The following TMEM132D variants were observed in gnomAD, a reference collection of about 807,000 sequenced individuals.
The protein encoded by TMEM132D is transmembrane protein 132D, also known as mature OL transmembrane protein.
Under a neutral mutation model 62.3 loss-of-function variants are expected in TMEM132D, and 21 were observed. That is an observed-to-expected ratio of 0.34 (90% confidence interval 0.24 to 0.49). The LOEUF (loss-of-function observed/expected upper bound fraction) is 0.49, where lower values mean the gene tolerates loss of function less well. Ranked by LOEUF, TMEM132D falls within the 20% of genes least tolerant of loss-of-function variation. TMEM132D has a pLI of 0.99. For missense variants in TMEM132D, 1,346 were observed against 1,402.8 expected (o/e 0.96, Z 0.65); for synonymous variants, 621 against 575.6 (o/e 1.08, Z -1.13).
At chr12:129,413,088 T>C (rs1872018012) in intron 3 of TMEM132D, among the ~76,000 whole-genome samples, 1 of 152,196 alleles carries the variant, frequency 6.6e-6, no homozygotes, top group African/African-American at 2.4e-5. Context: ...AATTATTCAA[T>C]ATTCAATAGT....
At chr12:129,337,555 A>T in intron 4 of TMEM132D, 79 bp downstream of exon 4, 1 of 1,547,568 alleles carries the variant, frequency 6.5e-7, no homozygotes, top group Middle Eastern at 1.7e-4. Context: ...TTCCCCACCC[A>T]GCCTGGGACT....
chr12:129,165,389 T>C (rs956882980), intron 5 of TMEM132D, among the ~76,000 whole-genome samples: 13 of 152,284 alleles, frequency 8.5e-5, no homozygotes, highest in African/African-American at 1.9e-4. Flanking sequence ...CTATAAAAAA[T>C]TGAACTCTAC....
rs113956936 is a variant in TMEM132D, at chr12:129,658,539, T to G, written c.968+41271A>C. 5.9e-3 allele frequency among the ~76,000 whole-genome samples: 906 copies of G among 152,292 alleles called. 8 individuals carry two copies. Among genetic ancestry groups the G allele is most frequent in the African/African-American group, 0.021 (859 of 41,562 alleles). The stretch of plus-strand genomic sequence containing the variant: ...GATGGCTTCAAATTCTCTGCTACTC[T>G]TTCATCCTCCCAGCAACACGTAGCG... On this transcript the variant is annotated intron_variant, in intron 2 of 8. Transcript: ENST00000422113.
At chr12:129,563,703 T>C (rs994646583) in intron 2 of TMEM132D, among the ~76,000 whole-genome samples, 10 of 152,144 alleles carry the variant, frequency 6.6e-5, no homozygotes, top group African/African-American at 2.4e-4. Context: ...GAAGAAGATC[T>C]GGGATTGTGG....
chr12:129,319,799 TTAA>T, intron 4 of TMEM132D, among the ~76,000 whole-genome samples: 1 of 152,200 alleles, frequency 6.6e-6, no homozygotes, highest in Non-Finnish European at 1.5e-5. Context: ...CAAATGTCAG[TTAA>T]TAAGCTGAGT....
chr12:129,803,044 C>T (rs1427635126), intron 1 of TMEM132D, among the ~76,000 whole-genome samples: 1 of 151,022 alleles, frequency 6.6e-6, no homozygotes, highest in East Asian at 1.9e-4. Context: ...TAGAGCAAGT[C>T]CTGAGTGACC....
At chr12:129,281,931 G>T (rs1320348382) in intron 4 of TMEM132D, among the ~76,000 whole-genome samples, 1 of 152,180 alleles carries the variant, frequency 6.6e-6, no homozygotes, top group Non-Finnish European at 1.5e-5. Flanking sequence ...TGGCATCTAT[G>T]CTCCAGCCCT....
At chr12:129,536,168 A>C (rs12299384) in intron 2 of TMEM132D, among the ~76,000 whole-genome samples, 36,242 of 152,130 alleles carry the variant, frequency 0.24, 5,669 homozygotes, top group African/African-American at 0.43. Flanking sequence ...CTGCATAGAT[A>C]AAATCCTGGT....
rs1261877698 is a variant in TMEM132D at position 129,356,243 on chromosome 12, G to A, written c.1116-18426C>T. Among the ~76,000 whole-genome samples, 35 of 64,604 alleles carry A rather than the reference G, an allele frequency of 5.4e-4. 6 individuals are homozygous for A. Among genetic ancestry groups the A allele is most frequent in the African/African-American group, 2.4e-3 (34 of 13,986 alleles). The allele number at this position is 64,604 out of a possible 152,430, so 42.4% of individuals were successfully genotyped here. A position where few individuals can be genotyped will look rare whatever the true frequency, so the allele number is the denominator to read the frequency against. ...GGGATCTCGGCTCACTGCAAGCTCC[G>A]CCTCCCGGGTTCACGCCATTCTCCT... On this transcript the variant is annotated intron_variant, in intron 3 of 8. Coordinates refer to ENST00000422113, the MANE Select transcript of TMEM132D (RefSeq NM_133448.3).
chr12:129,382,899 A>G, intron 3 of TMEM132D, among the ~76,000 whole-genome samples: 1 of 152,084 alleles, frequency 6.6e-6, no homozygotes, highest in Non-Finnish European at 1.5e-5. Context: ...TAGAATTGTT[A>G]TTCAATCTGT....
chr12:129,287,229 T>A (rs537802935), intron 4 of TMEM132D, among the ~76,000 whole-genome samples: 51 of 152,264 alleles, frequency 3.3e-4, no homozygotes, highest in African/African-American at 1.2e-3. Context: ...CCGGGATACT[T>A]CGAGGAAGAA....
chr12:129,560,520 T>C (rs756917418), intron 2 of TMEM132D, among the ~76,000 whole-genome samples: 1 of 152,138 alleles, frequency 6.6e-6, no homozygotes, highest in Non-Finnish European at 1.5e-5. Flanking sequence ...TCCACCCGCC[T>C]CAGCCTCCCA....
chr12:129,875,515 C>G (rs1874389786), intron 1 of TMEM132D, among the ~76,000 whole-genome samples: 1 of 152,162 alleles, frequency 6.6e-6, no homozygotes. Context: ...GGAACTGGTG[C>G]TATCCTGAGT....
intron 2 of TMEM132D, among the ~76,000 whole-genome samples, chr12:129,612,442 TA>T (rs1425867650): frequency 1.3e-5 from 2 of 152,082 alleles, no homozygotes; most frequent in South Asian, 2.1e-4. Context: ...TCTTAAGCAG[TA>T]AAAAAATAAA....
At chr12:129,089,807 A>T (rs76836057) in intron 5 of TMEM132D, among the ~76,000 whole-genome samples, 8,995 of 152,294 alleles carry the variant, frequency 0.059, 621 homozygotes, top group African/African-American at 0.17. Context: ...CGGAGATAGA[A>T]CTTTTCACCA....
At chr12:129,297,756 C>T (rs369827248) in intron 4 of TMEM132D, among the ~76,000 whole-genome samples, 42 of 152,154 alleles carry the variant, frequency 2.8e-4, no homozygotes, top group African/African-American at 9.2e-4. Flanking sequence ...ACGACCTCAT[C>T]GCCCTGGTGC....
chr12:129,476,677 G>A (rs374982766), intron 3 of TMEM132D, among the ~76,000 whole-genome samples: 1 of 152,232 alleles, frequency 6.6e-6, no homozygotes, highest in African/African-American at 2.4e-5. Context: ...TCTCCACCTC[G>A]ACATTCTGGG....
At chr12:129,648,607 C>T (rs562173541) in intron 2 of TMEM132D, among the ~76,000 whole-genome samples, 3 of 152,156 alleles carry the variant, frequency 2.0e-5, no homozygotes, top group African/African-American at 7.2e-5. Flanking sequence ...GCACATAGCC[C>T]GTGCATTAAA....
intron 5 of TMEM132D, among the ~76,000 whole-genome samples, chr12:129,144,409 C>T (rs959057620): frequency 6.6e-6 from 1 of 152,098 alleles, no homozygotes; most frequent in Non-Finnish European, 1.5e-5. Flanking sequence ...AGAACAGAGG[C>T]TTGGTAAGTG....
Sources: gnomAD v4.1 joint callset for allele counts (sites outside exome capture counted in the v4.1 genomes callset) on GRCh38, gnomAD v4.1.1 for gene constraint, MANE v1.5 for transcripts, NCBI Gene and HGNC (gene_info 2026-07-23, HGNC 2026-07-21) for gene names.